MICAL3: variants seen among roughly 807,000 people sequenced by gnomAD.
MICAL3 encodes microtubule associated monooxygenase, calponin and LIM domain containing 3, also known as [F-actin]-monooxygenase MICAL3.
In MICAL3, 62 loss-of-function variants were observed where a neutral mutation model predicts 207.4. The observed-to-expected ratio is 0.30, with a 90% CI of 0.24 to 0.37. MICAL3 has a LOEUF of 0.37. MICAL3 is among the 10% of genes least tolerant of loss of function. The probability of loss-of-function intolerance (pLI) is 1.00; values close to 1 mark genes in which losing one functional copy is unlikely to be tolerated. For synonymous variants in MICAL3, 1,077 were observed against 1,069.3 expected (o/e 1.01, Z -0.14); for missense variants, 2,368 against 2,635.6 (o/e 0.90, Z 2.22).
chr22:17,943,522 T>TG (rs1480852646), intron 1 of MICAL3, among the ~76,000 whole-genome samples: 147 of 152,324 alleles, frequency 9.7e-4, no homozygotes, highest in Non-Finnish European at 4.9e-4. Context: ...ATATCTCCAG[T>TG]GAAAAAAGTA....
intron 16 of MICAL3, among the ~76,000 whole-genome samples, chr22:17,878,282 C>T (rs1196378945): frequency 6.6e-6 from 1 of 152,248 alleles, no homozygotes; most frequent in Non-Finnish European, 1.5e-5. Context: ...TGAGGGGACA[C>T]AGCCTGGGAA....
chr22:17,937,315 G>C (rs1381815983), intron 1 of MICAL3, among the ~76,000 whole-genome samples: 3 of 152,090 alleles, frequency 2.0e-5, no homozygotes, highest in African/African-American at 7.2e-5. Context: ...TTTTAAATTG[G>C]ACAAGGCCAA....
intron 1 of MICAL3, among the ~76,000 whole-genome samples, chr22:17,939,952 A>G (rs1396696271): frequency 6.6e-6 from 1 of 152,212 alleles, no homozygotes; most frequent in Non-Finnish European, 1.5e-5. Flanking sequence ...AAGTATGTAC[A>G]TACTGTATTT....
chr22:18,023,307 A>G (rs9605497), intron 1 of MICAL3, among the ~76,000 whole-genome samples: 31,732 of 152,094 alleles, frequency 0.21, 3,871 homozygotes, highest in East Asian at 0.38. Flanking sequence ...CAGAATCTCC[A>G]GGGATTGGAC....
chr22:17,957,938 A>C (rs1019032891), intron 1 of MICAL3, among the ~76,000 whole-genome samples: 13 of 152,132 alleles, frequency 8.5e-5, no homozygotes, highest in African/African-American at 2.9e-4. Flanking sequence ...AAGCCCTGCT[A>C]CTGAGAAAAG....
intron 1 of MICAL3, among the ~76,000 whole-genome samples, chr22:18,001,743 C>G (rs1259119574): frequency 1.3e-5 from 2 of 152,224 alleles, no homozygotes; most frequent in African/African-American, 4.8e-5. Flanking sequence ...CGTCCCCCTG[C>G]AGGATCCATA....
At chr22:18,001,678 C>T (rs994399622) in intron 1 of MICAL3, among the ~76,000 whole-genome samples, 1 of 152,246 alleles carries the variant, frequency 6.6e-6, no homozygotes, top group East Asian at 1.9e-4. Flanking sequence ...CAGAATCTCA[C>T]GGGATATGTG....
chr22:17,868,029 A>C (rs1380431486), intron 17 of MICAL3, among the ~76,000 whole-genome samples: 3 of 152,230 alleles, frequency 2.0e-5, no homozygotes, highest in Non-Finnish European at 4.4e-5. Flanking sequence ...TTCAGAAACA[A>C]GTCCTCCAAG....
At chr22:17,877,382 G>GGTTATGGAGGTTAGGGAGGTTAGGGAA in intron 16 of MICAL3, among the ~76,000 whole-genome samples, 2 of 108,702 alleles carry the variant, frequency 1.8e-5, no homozygotes, top group Non-Finnish European at 1.8e-5. Context: ...AGGTGAGGGA[G>GGTTATGGAGGTTAGGGAGGTTAGGGAA]GTTATGGAGG....
intron 1 of MICAL3, among the ~76,000 whole-genome samples, chr22:17,943,715 G>A (rs1933918302): frequency 6.6e-6 from 1 of 152,168 alleles, no homozygotes; most frequent in African/African-American, 2.4e-5. Flanking sequence ...TAGCTTTGCT[G>A]TCTGCTGTTT....
Position 17,818,959 on chromosome 22 carries a change from C to G in MICAL3, c.3702G>C (p.Arg1234Ser), listed in dbSNP as rs776438035. Residue 1234 changes from arginine to serine, a missense_variant, in exon 26 of 32, where the codon AGG becomes AGC. By Grantham distance (110) the Arg-to-Ser change is moderately radical (BLOSUM62 -1). Around this residue, in one of 4 missense-constraint regions of MICAL3, gnomAD observed 1,770 missense variants for 1,863.2 expected, o/e 0.95. Coordinates refer to ENST00000441493, the MANE Select transcript of MICAL3 (RefSeq NM_015241.3). ...RSQPVTLPEA[R>S]TPVSPGSPQP... ...GCGGGCTCCCTGGTGAGACAGGAGT[C>G]CTAGCTTCTGGCAGGGTCACTGGCT... 1 of 1,603,810 alleles carries G rather than the reference C, an allele frequency of 6.2e-7. No individual in the cohort carries two copies.
intron 1 of MICAL3, among the ~76,000 whole-genome samples, chr22:17,976,115 T>C (rs946161946): frequency 6.6e-6 from 1 of 152,040 alleles, no homozygotes; most frequent in African/African-American, 2.4e-5. Flanking sequence ...AACATCAGTA[T>C]GTAAGTTAAA....
At chr22:17,981,644 G>A (rs9605478) in intron 1 of MICAL3, among the ~76,000 whole-genome samples, 40,942 of 152,062 alleles carry the variant, frequency 0.27, 5,965 homozygotes, top group African/African-American at 0.37. Flanking sequence ...ACATGTGAGC[G>A]CAGACACAGT....
At chr22:17,869,187 C>T (rs1416178697) in intron 17 of MICAL3, among the ~76,000 whole-genome samples, 2 of 152,150 alleles carry the variant, frequency 1.3e-5, no homozygotes, top group Non-Finnish European at 2.9e-5. Context: ...CTGGGGTGGA[C>T]ACGCAATGCT....
intron 22 of MICAL3, among the ~76,000 whole-genome samples, chr22:17,827,343 G>A (rs1922309328): frequency 6.6e-6 from 1 of 152,186 alleles, no homozygotes; most frequent in African/African-American, 2.4e-5. Context: ...GGAAAGAGCA[G>A]CGGTGACCAG....
At position 17,871,999 on chromosome 22, in the gene MICAL3, G is replaced by C; in HGVS notation, c.2266C>G (p.Gln756Glu). 1 of 1,608,250 alleles carries C rather than the reference G, an allele frequency of 6.2e-7. No homozygotes were observed. The highest frequency in any genetic ancestry group is 8.5e-7 in the Non-Finnish European group (1 of 1,177,610). ...CATGTGTCGCTGCCTCCCAGGTTCT[G>C]CGGGAACTCCTTCTTCATGGAGCCC... is the stretch of plus-strand genomic sequence containing the variant. ...RQGSMKKEFP[Q>E]NLGGSDTCYF... is the part of the protein sequence containing the mutation. Residue 756 changes from glutamine (Q) to glutamate (E), a missense_variant, in exon 17 of 32, where the codon CAG becomes GAG. Gln to Glu is a conservative substitution (Grantham distance 29). Transcript: ENST00000441493.
At chr22:18,012,777 G>A (rs1158672469) in intron 1 of MICAL3, among the ~76,000 whole-genome samples, 1 of 152,216 alleles carries the variant, frequency 6.6e-6, no homozygotes, top group Non-Finnish European at 1.5e-5. Flanking sequence ...CTGCCTTGCA[G>A]GAGGTCAGGT....
In MICAL3 at chr22:17,822,025, C is replaced by T. The variant is rs751653331; in HGVS notation, c.3448+5G>A. The T allele has an allele frequency of 6.2e-7, 1 of 1,613,342 alleles. No individual in the cohort carries two copies. Among genetic ancestry groups the T allele is most frequent in the Non-Finnish European group, 8.5e-7 (1 of 1,179,608 alleles). On this transcript the variant is annotated splice_donor_5th_base_variant and intron_variant, in intron 24 of 31. Transcript: ENST00000441493. ...AGTTGTTTCTCCCATCAAAGACAGG[C>T]TCACCTCTCTCTTGGTGCTTCGGTG...
chr22:17,871,810 T>G (rs753659487), intron 17 of MICAL3, 27 bp downstream of exon 17: 1 of 1,571,326 alleles, frequency 6.4e-7, no homozygotes, highest in African/African-American at 1.4e-5. Flanking sequence ...AGTTTCTCAG[T>G]GGGGCCGGAG....
Sources: gnomAD v4.1 joint callset for allele counts (sites outside exome capture counted in the v4.1 genomes callset) on GRCh38, gnomAD v4.1.1 for gene constraint, gnomAD v4.1.1 regional missense constraint, MANE v1.5 for transcripts, NCBI Gene and HGNC (gene_info 2026-07-23, HGNC 2026-07-21) for gene names.